RASGRF2: variants seen among roughly 807,000 people sequenced by gnomAD.
RASGRF2 encodes Ras protein specific guanine nucleotide releasing factor 2, also known as ras-specific guanine nucleotide-releasing factor 2.
Under a neutral mutation model 151.0 loss-of-function variants are expected in RASGRF2, and 76 were observed. That is an observed-to-expected ratio of 0.50 (90% CI 0.42 to 0.61). The LOEUF (loss-of-function observed/expected upper bound fraction) is 0.61, where lower values mean the gene tolerates loss of function less well. RASGRF2 is among the 20% of genes least tolerant of loss of function. RASGRF2 has a pLI of 0.00. For synonymous variants in RASGRF2, 504 were observed against 566.5 expected (o/e 0.89, Z 1.57); for missense variants, 1,148 against 1,564.6 (o/e 0.73, Z 4.49).
In RASGRF2 at chr5:81,062,836, T is replaced by C. The variant is rs556355098; in HGVS notation, c.396-5196T>C. On this transcript the variant is annotated intron_variant, in intron 2 of 26. Coordinates refer to ENST00000265080, the MANE Select transcript of RASGRF2 (RefSeq NM_006909.3). ...TGTCTTTGATTTCTGTTTTGTTTGG[T>C]TGGAAAACCTCCTCATAATGTTTTC... is the stretch of plus-strand genomic sequence containing the variant. Among the ~76,000 whole-genome samples the C allele has an allele frequency of 2.1e-4, 32 of 152,336 alleles. No individual in the cohort carries two copies. The South Asian group carries it at 6.6e-3, about 32-fold the overall frequency.
Position 81,224,150 on chromosome 5 carries a change from C to G in RASGRF2, c.3622-1528C>G, listed in dbSNP as rs147388878. ...AGCATAAACAATTCAACTGGTAAAC[C>G]TGTGAATAGTTAATTCATAGAAGAA... On this transcript the variant is annotated intron_variant, in intron 26 of 26. Transcript: ENST00000265080. Among the ~76,000 whole-genome samples, 249 of 152,150 alleles carry G rather than the reference C, an allele frequency of 1.6e-3. 2 individuals are homozygous for G. Among genetic ancestry groups the G allele is most frequent in the African/African-American group, 5.6e-3 (234 of 41,488 alleles).
At chr5:80,995,676 C>T (rs1748822149) in intron 1 of RASGRF2, among the ~76,000 whole-genome samples, 1 of 102,990 alleles carries the variant, frequency 9.7e-6, no homozygotes, top group Non-Finnish European at 2.0e-5. Context: ...TTGTTTCTTT[C>T]CTTTCCTTCC....
chr5:81,182,856 C>T (rs1754948743), intron 18 of RASGRF2, among the ~76,000 whole-genome samples: 1 of 152,162 alleles, frequency 6.6e-6, no homozygotes, highest in South Asian at 2.1e-4. Flanking sequence ...ATCTGCAGGT[C>T]TTTACTCTCC....
intron 26 of RASGRF2, among the ~76,000 whole-genome samples, chr5:81,224,030 T>TAAATATAAGCAGTAGAC (rs1755918403): frequency 6.6e-6 from 1 of 152,138 alleles, no homozygotes; most frequent in African/African-American, 2.4e-5. Context: ...GACCATTATT[T>TAAATATAAGCAGTAGAC]AAAAATCAAA....
intron 17 of RASGRF2, among the ~76,000 whole-genome samples, chr5:81,136,117 A>T (rs956395055): frequency 6.6e-6 from 1 of 152,176 alleles, no homozygotes; most frequent in Non-Finnish European, 1.5e-5. Flanking sequence ...GGTTCAGGCA[A>T]TTCTGCCTGC....
chr5:80,964,253 G>A (rs2087622342), intron 1 of RASGRF2, among the ~76,000 whole-genome samples: 1 of 152,078 alleles, frequency 6.6e-6, no homozygotes, highest in Non-Finnish European at 1.5e-5. Context: ...ATTTTAAGTG[G>A]TTTATTTTCT....
Position 81,212,541 on chromosome 5 carries a change from C to G in RASGRF2, c.3332C>G (p.Thr1111Ser), listed in dbSNP as rs1755649676. The G allele has an allele frequency of 6.2e-7, 1 of 1,611,684 alleles. No homozygotes were observed. Among genetic ancestry groups the G allele is most frequent in the South Asian group, 1.1e-5 (1 of 90,518 alleles). ...AGTGCCATCTACAGGCTGAAGAAAACCTGGGCCAAGGTCTCTAAGCAGGTG... is the reference window on the plus strand; with the variant it reads ...AGTGCCATCTACAGGCTGAAGAAAAGCTGGGCCAAGGTCTCTAAGCAGGTG... The part of the protein sequence containing the change: ...NRSAIYRLKK[T>S]WAKVSKQTKA... The change falls in exon 23 of 27, where the codon ACC (threonine) becomes AGC (serine). Residue 1111 changes from threonine (T) to serine (S), a missense_variant. Thr to Ser is a moderately conservative substitution (Grantham distance 58). Transcript: ENST00000265080.
chr5:80,979,155 T>A (rs1281223647), intron 1 of RASGRF2, among the ~76,000 whole-genome samples: 1 of 152,180 alleles, frequency 6.6e-6, no homozygotes, highest in Non-Finnish European at 1.5e-5. Flanking sequence ...ATTAGGGTAG[T>A]TCCCAATTTC....
At chr5:81,150,652 A>C (rs1317732033) in intron 17 of RASGRF2, among the ~76,000 whole-genome samples, 1 of 152,130 alleles carries the variant, frequency 6.6e-6, no homozygotes, top group Non-Finnish European at 1.5e-5. Context: ...ACACACACAT[A>C]CACACACACA....
Position 81,095,010 on chromosome 5 carries a change from G to T in RASGRF2, c.1755+18G>T. The T allele has an allele frequency of 7.1e-7, 1 of 1,399,026 alleles. No homozygotes were observed. Among genetic ancestry groups the T allele is most frequent in the South Asian group, 1.9e-5 (1 of 53,610 alleles). The allele number at this position is 1,399,026 out of a possible 1,614,324, so 86.7% of individuals were successfully genotyped here. A position where few individuals can be genotyped will look rare whatever the true frequency, so the allele number is the denominator to read the frequency against. On this transcript the variant is annotated intron_variant, in intron 12 of 26. Transcript: ENST00000265080. ...TCAGTCAGGTAAGAAAGTGGCTTTT[G>T]CCAAATTTTTGTTTTTTAAATTTCA...
intron 1 of RASGRF2, among the ~76,000 whole-genome samples, chr5:80,962,044 A>G (rs1316234076): frequency 6.6e-6 from 1 of 152,204 alleles, no homozygotes; most frequent in East Asian, 1.9e-4. Context: ...TCTACCGCAC[A>G]CCACAGAGGC....
chr5:81,060,386 C>A (rs1287107646), intron 2 of RASGRF2, among the ~76,000 whole-genome samples: 1 of 152,150 alleles, frequency 6.6e-6, no homozygotes, highest in East Asian at 1.9e-4. Flanking sequence ...TGCTTCAAGT[C>A]GTTTCTCCAG....
intron 4 of RASGRF2, among the ~76,000 whole-genome samples, chr5:81,072,398 C>A (rs552565735): frequency 5.3e-5 from 8 of 152,152 alleles, no homozygotes; most frequent in African/African-American, 1.9e-4. Flanking sequence ...TTGTTTAATA[C>A]GTGATCATTT....
intron 2 of RASGRF2, among the ~76,000 whole-genome samples, chr5:81,054,298 T>C (rs1175897449): frequency 6.6e-6 from 1 of 152,060 alleles, no homozygotes; most frequent in Non-Finnish European, 1.5e-5. Flanking sequence ...GAATTAATTT[T>C]TGTATAAGGT....
At chr5:80,990,226 T>TA (rs1561541197) in intron 1 of RASGRF2, among the ~76,000 whole-genome samples, 1 of 146,808 alleles carries the variant, frequency 6.8e-6, no homozygotes, top group Non-Finnish European at 1.5e-5. Context: ...ATGTTTTTTT[T>TA]TTTTTTATTT....
intron 18 of RASGRF2, among the ~76,000 whole-genome samples, chr5:81,182,587 C>T (rs1423684583): frequency 4.6e-5 from 7 of 152,160 alleles, no homozygotes; most frequent in Non-Finnish European, 7.3e-5. Flanking sequence ...TTGGCCTCCA[C>T]AATGGGTGGT....
intron 1 of RASGRF2, among the ~76,000 whole-genome samples, chr5:80,989,815 T>G (rs1748591049): frequency 6.6e-6 from 1 of 152,232 alleles, no homozygotes; most frequent in African/African-American, 2.4e-5. Flanking sequence ...TAGTTAATCA[T>G]GCTACCAGTC....
chr5:81,199,889 C>CCCTGTGAT (rs1755347633), intron 18 of RASGRF2, among the ~76,000 whole-genome samples: 1 of 125,846 alleles, frequency 7.9e-6, no homozygotes. Flanking sequence ...CAGAGTGAGA[C>CCCTGTGAT]TCCATCTCAA....
At chr5:81,102,230 C>T (rs1468938205) in intron 12 of RASGRF2, among the ~76,000 whole-genome samples, 1 of 152,046 alleles carries the variant, frequency 6.6e-6, no homozygotes, top group Non-Finnish European at 1.5e-5. Flanking sequence ...ATAAAGAGGG[C>T]AAGAGTTGGC....
Sources: allele counts gnomAD v4.1 joint callset (sites outside exome capture counted in the v4.1 genomes callset), GRCh38; gene constraint gnomAD v4.1.1; transcripts MANE v1.5; gene names NCBI Gene and HGNC (gene_info 2026-07-23, HGNC 2026-07-21).